CDCA7: variants seen among roughly 807,000 people sequenced by gnomAD.
CDCA7 encodes cell division cycle-associated protein 7.
A neutral mutation model predicts 54.0 loss-of-function variants in CDCA7; 28 were observed. The observed-to-expected ratio is 0.52, with a 90% CI of 0.38 to 0.71. The LOEUF is 0.71. Ranked by LOEUF, CDCA7 falls within the 30% of genes least tolerant of loss-of-function variation. The pLI is 0.00. For missense variants in CDCA7, 484 were observed against 586.0 expected (o/e 0.83, Z 1.80); for synonymous variants, 180 against 208.2 (o/e 0.86, Z 1.16).
intron 2 of CDCA7, 136 bp from the exon 3 acceptor site, chr2:173,359,119 C>T: frequency 1.3e-6 from 1 of 791,968 alleles, no homozygotes; most frequent in Non-Finnish European, 2.0e-6. Context: ...AACCTCTGAA[C>T]CATTTTTCTT....
At chr2:173,358,615 T>A (rs972396314) in intron 1 of CDCA7, 97 bp from the exon 2 acceptor site, 11 of 1,332,570 alleles carry the variant, frequency 8.3e-6, no homozygotes, top group African/African-American at 5.9e-5. Context: ...ACATATCTAC[T>A]CTGTGCTGTT....
chr2:173,364,536 T>G (rs1686682880), intron 5 of CDCA7: 1 of 329,450 alleles, frequency 3.0e-6, no homozygotes, highest in Admixed American at 5.3e-5. Flanking sequence ...AGATCATTTC[T>G]TACATCTTCA....
rs1357136823 is a variant in CDCA7, at chr2:173,366,587, G to GT, written c.1185+155_1185+156insT. 6.6e-6 allele frequency among the ~76,000 whole-genome samples: 1 copy of GT among 152,150 alleles called. No individual in the cohort carries two copies. The highest frequency in any genetic ancestry group is 1.5e-5 in the Non-Finnish European group (1 of 68,026). ...TGGAGTCTCATTCTGTCGCCAGGCTGCAGTGCAGTGGCGCGATCTCAGCTC... is the reference window on the plus strand; with the variant it reads ...TGGAGTCTCATTCTGTCGCCAGGCTGTCAGTGCAGTGGCGCGATCTCAGCTC... On this transcript the variant is annotated intron_variant, in intron 8 of 9. Coordinates refer to ENST00000306721, the MANE Select transcript of CDCA7 (RefSeq NM_031942.5). The surrounding 1 kb of genome is among the most constrained non-coding windows in gnomAD (Gnocchi z 4.5).
At chr2:173,364,052 C>T in intron 5 of CDCA7, 157 bp downstream of exon 5, 1 of 613,710 alleles carries the variant, frequency 1.6e-6, no homozygotes, top group South Asian at 2.3e-5. Flanking sequence ...GGATGATCCT[C>T]CTTGAATCCT....
chr2:173,359,175 GCT>G (rs1318047892), intron 2 of CDCA7, 78 bp from the exon 3 acceptor site: 2 of 1,134,014 alleles, frequency 1.8e-6, no homozygotes, highest in South Asian at 2.9e-5. Context: ...AATGTGATTT[GCT>G]CTCTGCACGG....
intron 3 of CDCA7, among the ~76,000 whole-genome samples, chr2:173,362,752 T>G (rs60393385): frequency 0.014 from 2,093 of 150,984 alleles, 46 homozygotes; most frequent in African/African-American, 0.047. Context: ...TTTTTGTATT[T>G]TTTTTTGCAG....
intron 3 of CDCA7, among the ~76,000 whole-genome samples, chr2:173,360,827 A>T (rs1280850223): frequency 6.6e-6 from 1 of 151,496 alleles, no homozygotes; most frequent in Non-Finnish European, 1.5e-5. Flanking sequence ...AAATTCTGGG[A>T]TTTATGGGTG....
intron 3 of CDCA7, among the ~76,000 whole-genome samples, chr2:173,360,052 C>T (rs888193327): frequency 6.6e-6 from 1 of 152,354 alleles, no homozygotes; most frequent in African/African-American, 2.4e-5. Context: ...CTCGGTCCCA[C>T]TCTTCTGAGC....
At chr2:173,362,482 A>C (rs1317778297) in intron 3 of CDCA7, among the ~76,000 whole-genome samples, 1 of 151,884 alleles carries the variant, frequency 6.6e-6, no homozygotes, top group Non-Finnish European at 1.5e-5. Flanking sequence ...ATATTATATT[A>C]TATATTTTTT....
chr2:173,359,531 C>T (rs1216116582), intron 3 of CDCA7, 40 bp downstream of exon 3: 2 of 1,497,246 alleles, frequency 1.3e-6, no homozygotes, highest in Admixed American at 1.8e-5. Flanking sequence ...AAGTAAGATA[C>T]ATTTAGAGGC....
At chr2:173,367,384 C>T (rs879693143) in intron 9 of CDCA7, 98 bp downstream of exon 9, 85 of 1,548,182 alleles carry the variant, frequency 5.5e-5, no homozygotes, top group Middle Eastern at 2.1e-4. Context: ...TTATCTCTGG[C>T]GGGGTGGAGA....
chr2:173,359,485 T>A lies in CDCA7; in HGVS notation c.378T>A (p.Asp126Glu). 1 of 1,612,958 alleles carries A rather than the reference T, an allele frequency of 6.2e-7. No homozygotes were observed. Among genetic ancestry groups the A allele is most frequent in the East Asian group, 2.2e-5 (1 of 44,862 alleles). ...FCGFSESEIQ[D>E]GMRLQSVREG... ...GTTTCTCAGAGAGTGAGATACAAGA[T>A]GGAATGGTGAGTTCGAGAATTTCAC... Residue 126 changes from aspartate to glutamate, a missense_variant, in exon 3 of 10, where the codon GAT (aspartate) becomes GAA (glutamate). Coordinates refer to ENST00000306721, the MANE Select transcript of CDCA7 (RefSeq NM_031942.5).
In CDCA7 at chr2:173,366,569, T is replaced by C. The variant is rs1480495012; in HGVS notation, c.1185+137T>C. 2 of 1,194,102 alleles carry C rather than the reference T, an allele frequency of 1.7e-6. No homozygotes were observed. Among genetic ancestry groups the C allele is most frequent in the Non-Finnish European group, 2.3e-6 (2 of 869,016 alleles). The allele number at this position is 1,194,102 out of a possible 1,614,324, so 74.0% of individuals were successfully genotyped here. On this transcript the variant is annotated intron_variant, in intron 8 of 9. Transcript: ENST00000306721. The surrounding 1 kb of genome is among the most constrained non-coding windows in gnomAD (Gnocchi z 4.5). ...TCTTCTTTTTTTTTAAGATGGAGTC[T>C]CATTCTGTCGCCAGGCTGCAGTGCA...
At position 173,359,150 on chromosome 2, in the gene CDCA7, T is replaced by C. The variant is rs1228469431; in HGVS notation, c.148-105T>C. 8.8e-6 allele frequency: 8 copies of C among 906,706 alleles called. No individual in the cohort carries two copies. In the Admixed American group the frequency reaches 1.5e-4, roughly 17 times the overall value. The allele number at this position is 906,706 out of a possible 1,614,324, so 56.2% of individuals were successfully genotyped here. On this transcript the variant is annotated intron_variant, in intron 2 of 9. Coordinates refer to ENST00000306721, the MANE Select transcript of CDCA7 (RefSeq NM_031942.5). Reference sequence around the variant, plus strand: ...TTCTTTGTAACAAAAGCTGTTCTCTTGTAGTGCACTTGTAAATGTGATTTG... The same window carrying C: ...TTCTTTGTAACAAAAGCTGTTCTCTCGTAGTGCACTTGTAAATGTGATTTG...
intron 1 of CDCA7, among the ~76,000 whole-genome samples, chr2:173,358,260 G>A (rs1460757548): frequency 6.6e-6 from 1 of 151,830 alleles, no homozygotes; most frequent in Non-Finnish European, 1.5e-5. Flanking sequence ...AGATACAGTA[G>A]CTAATGCCTG....
At chr2:173,367,043 A>T in intron 8 of CDCA7, 107 bp from the exon 9 acceptor site, 1 of 1,439,076 alleles carries the variant, frequency 6.9e-7, no homozygotes, top group Non-Finnish European at 9.4e-7. Flanking sequence ...AATGCCTATT[A>T]ATCATATAAA....
rs749651449 is a variant in CDCA7 at position 173,365,477 on chromosome 2, G to A, written c.920G>A (p.Arg307His). 5.0e-6 allele frequency: 8 copies of A among 1,613,646 alleles called. No individual in the cohort carries two copies. The highest frequency in any genetic ancestry group is 2.7e-5 in the African/African-American group (2 of 74,890). The change falls in exon 7 of 10, where the codon CGC becomes CAC. Residue 307 changes from arginine (R) to histidine (H), a missense_variant. Arg to His is a conservative substitution (Grantham distance 29). Transcript: ENST00000306721. ...GAAGATGACCTGCCCAGAAGCCGTCGCTCCAGATCATCCGTGACCCTTCCG... is the reference window on the plus strand; with the variant it reads ...GAAGATGACCTGCCCAGAAGCCGTCACTCCAGATCATCCGTGACCCTTCCG... ...MNEDDLPRSRRSRSSVTLPHI... is the reference protein window; with the variant it reads ...MNEDDLPRSRHSRSSVTLPHI...
intron 3 of CDCA7, among the ~76,000 whole-genome samples, chr2:173,362,583 T>TC (rs1310886487): frequency 6.6e-6 from 1 of 151,292 alleles, no homozygotes; most frequent in Non-Finnish European, 1.5e-5. Flanking sequence ...TTTCCCTTTT[T>TC]TTTTTTTTCA....
chr2:173,358,616 C>G (rs887177310), intron 1 of CDCA7, 96 bp from the exon 2 acceptor site: 65 of 1,339,224 alleles, frequency 4.9e-5, no homozygotes, highest in Non-Finnish European at 6.3e-5. Flanking sequence ...CATATCTACT[C>G]TGTGCTGTTT....
Sources: allele counts gnomAD v4.1 joint callset (sites outside exome capture counted in the v4.1 genomes callset), GRCh38; gene constraint gnomAD v4.1.1; non-coding constraint Gnocchi (gnomAD v3.1); transcripts MANE v1.5; gene names NCBI Gene and HGNC (gene_info 2026-07-23, HGNC 2026-07-21).